Variants in SERAC1 observed in about 807,000 individuals in gnomAD.
SERAC1 encodes serine active site containing 1.
A neutral mutation model predicts 85.7 loss-of-function variants in SERAC1; 36 were observed. That is an observed-to-expected ratio of 0.42 (90% confidence interval 0.32 to 0.55). The LOEUF (loss-of-function observed/expected upper bound fraction) is 0.55, where lower values mean the gene tolerates loss of function less well. Among genes scored for constraint, SERAC1 ranks in the 20% least tolerant of loss-of-function variants. The pLI is 0.11. For missense variants in SERAC1, 629 were observed against 796.2 expected, an observed-to-expected ratio of 0.79 and a Z score of 2.53; for synonymous variants, 242 against 265.3, an observed-to-expected ratio of 0.91 and a Z score of 0.85.
intron 9 of SERAC1, among the ~76,000 whole-genome samples, chr6:158,129,127 T>C (rs1288124500): frequency 5.9e-5 from 9 of 152,200 alleles, no homozygotes; most frequent in Non-Finnish European, 1.3e-4. Context: ...TCTGGAAAGA[T>C]AACTATTATA....
intron 12 of SERAC1, among the ~76,000 whole-genome samples, chr6:158,118,654 A>G (rs1784350327): frequency 6.6e-6 from 1 of 151,918 alleles, no homozygotes. Flanking sequence ...AGAAATGCAA[A>G]GTATAATTAC....
At position 158,128,165 on chromosome 6, in the gene SERAC1, G is replaced by A. The variant is rs576130525; in HGVS notation, c.958C>T (p.Arg320Cys). Residue 320 changes from arginine to cysteine, a missense_variant, in exon 10 of 17, where the codon CGT becomes TGT. Transcript: ENST00000647468. ...TTCAAAGCCATATTTCCAATGACACGCATTATATTTCTCTGTACTTTAGGG... is the reference window on the plus strand; with the variant it reads ...TTCAAAGCCATATTTCCAATGACACACATTATATTTCTCTGTACTTTAGGG... ...DCPKVQRNIM[R>C]VIGNMALNEH... The A allele has an allele frequency of 9.3e-6, 15 of 1,614,006 alleles. No individual in the cohort carries two copies. Among genetic ancestry groups the A allele is most frequent in the South Asian group, 2.2e-5 (2 of 91,076 alleles).
At chr6:158,145,677 C>T (rs1233567986) in intron 6 of SERAC1, among the ~76,000 whole-genome samples, 7 of 151,866 alleles carry the variant, frequency 4.6e-5, no homozygotes, top group Non-Finnish European at 8.8e-5. Flanking sequence ...CGTCACCATG[C>T]CCAGCTAAAT....
Position 158,110,385 on chromosome 6 carries a change from C to T in SERAC1, c.*981G>A, listed in dbSNP as rs1784116912. 1 of 151,780 alleles carries T rather than the reference C, an allele frequency of 6.6e-6. No individual in the cohort carries two copies. The highest frequency in any genetic ancestry group is 1.5e-5 in the Non-Finnish European group (1 of 68,032). 9.4% of individuals were successfully genotyped at this position (151,780 alleles called of 1,614,324 possible). On this transcript the variant is annotated 3_prime_UTR_variant, in exon 17 of 17. Transcript: ENST00000647468. ...TGGGCAACAGAGTCAGACCCTGTCT[C>T]TAAACAAACAAAACAAAACAAAAAT...
At chr6:158,124,939 A>C (rs1784507546) in intron 10 of SERAC1, among the ~76,000 whole-genome samples, 1 of 152,260 alleles carries the variant, frequency 6.6e-6, no homozygotes, top group Non-Finnish European at 1.5e-5. Flanking sequence ...GAAAGTCTTT[A>C]GGCTGAAGAG....
At chr6:158,155,935 A>T (rs999707148) in intron 2 of SERAC1, among the ~76,000 whole-genome samples, 4 of 152,202 alleles carry the variant, frequency 2.6e-5, no homozygotes, top group African/African-American at 9.6e-5. Context: ...ACCTGAGGTC[A>T]GGAGTTCGAG....
At chr6:158,135,904 G>A (rs979562738) in intron 8 of SERAC1, among the ~76,000 whole-genome samples, 9 of 152,052 alleles carry the variant, frequency 5.9e-5, no homozygotes, top group Admixed American at 2.6e-4. Context: ...CTGCCTCCCC[G>A]GTTCACACCA....
At chr6:158,161,364 A>G (rs1213636000) in intron 1 of SERAC1, 1 of 151,568 alleles carries the variant, frequency 6.6e-6, no homozygotes, top group Non-Finnish European at 1.5e-5. Context: ...CCTGGGAGAC[A>G]GAGTAAGACT....
chr6:158,146,333 C>G (rs1205970003), intron 6 of SERAC1: 1 of 149,774 alleles, frequency 6.7e-6, no homozygotes, highest in Non-Finnish European at 1.5e-5. Context: ...TTTTCAAATA[C>G]TTTCTATATA....
chr6:158,151,522 C>T (rs891799808), intron 3 of SERAC1, among the ~76,000 whole-genome samples: 6 of 151,976 alleles, frequency 3.9e-5, no homozygotes, highest in East Asian at 3.9e-4. Context: ...CCTGGGTTCA[C>T]GCCATTCTCT....
intron 1 of SERAC1, among the ~76,000 whole-genome samples, chr6:158,164,569 C>T (rs1583616825): frequency 6.6e-6 from 1 of 152,054 alleles, no homozygotes; most frequent in East Asian, 1.9e-4. Flanking sequence ...CTAAGAAAGA[C>T]ACAGAAAATA....
intron 1 of SERAC1, among the ~76,000 whole-genome samples, chr6:158,160,739 T>C (rs761546712): frequency 6.6e-6 from 1 of 152,230 alleles, no homozygotes; most frequent in Non-Finnish European, 1.5e-5. Flanking sequence ...ACATTTTAAA[T>C]GTGCTATATA....
At chr6:158,141,133 T>TA (rs1784905693) in intron 8 of SERAC1, among the ~76,000 whole-genome samples, 1 of 152,250 alleles carries the variant, frequency 6.6e-6, no homozygotes, top group Admixed American at 6.5e-5. Flanking sequence ...GAAGCACTGA[T>TA]ATGCCACAGT....
intron 9 of SERAC1, among the ~76,000 whole-genome samples, chr6:158,128,991 T>C (rs568472045): frequency 1.1e-4 from 16 of 152,202 alleles, no homozygotes; most frequent in Non-Finnish European, 2.1e-4. Flanking sequence ...CATGACACCA[T>C]ATGTACATAC....
At chr6:158,156,858 A>ATT (rs1491383623) in intron 2 of SERAC1, among the ~76,000 whole-genome samples, 6 of 137,142 alleles carry the variant, frequency 4.4e-5, no homozygotes, top group Middle Eastern at 7.4e-3. Context: ...TATATATAAT[A>ATT]AATATTAATA....
In SERAC1 at chr6:158,119,834, C is replaced by T. The variant is rs1280898183; in HGVS notation, c.1166+591G>A. ...TTTTTGTAAAGTGCCCTAAGAAAAC[C>T]AAGAAATATGTTATTTTTTCAGTGT... On this transcript the variant is annotated intron_variant, in intron 11 of 16. Coordinates refer to ENST00000647468, the MANE Select transcript of SERAC1 (RefSeq NM_032861.4). The surrounding 1 kb of genome is among the most constrained non-coding windows in gnomAD (Gnocchi z 4.5). Among the ~76,000 whole-genome samples the T allele has an allele frequency of 6.6e-6, 1 of 152,038 alleles. No individual in the cohort carries two copies.
rs140215890 is a variant in SERAC1, at chr6:158,139,431, A to G, written c.738+3625T>C. ...AAAATTTCAACTCTTACAATTCAAC[A>G]TATCTAATAAGAGATTTGTATCTAG... On this transcript the variant is annotated intron_variant, in intron 8 of 16. Coordinates refer to ENST00000647468, the MANE Select transcript of SERAC1 (RefSeq NM_032861.4). Among the ~76,000 whole-genome samples, 362 of 152,338 alleles carry G rather than the reference A, an allele frequency of 2.4e-3. 1 individual carries two copies. Among genetic ancestry groups the G allele is most frequent in the African/African-American group, 8.4e-3 (349 of 41,582 alleles).
chr6:158,165,088 T>C (rs750602564), intron 1 of SERAC1, among the ~76,000 whole-genome samples: 6 of 152,142 alleles, frequency 3.9e-5, no homozygotes, highest in Non-Finnish European at 8.8e-5. Context: ...ATTACATACA[T>C]ATTTAAGCCA....
At position 158,144,299 on chromosome 6, in the gene SERAC1, T is replaced by A; in HGVS notation, c.609A>T (p.Glu203Asp). The part of the protein sequence containing the change: ...LLPPPLPSLK[E>D]DSSTEEELRQ... Reference sequence around the variant, plus strand: ...TTACTATTATTATTGTTTTACTTACTTCTTTTAAAGATGGCAAAGGAGGTG... The same window carrying A: ...TTACTATTATTATTGTTTTACTTACATCTTTTAAAGATGGCAAAGGAGGTG... The change falls in exon 7 of 17, where the codon GAA (glutamate) becomes GAT (aspartate). Residue 203 changes from glutamate (E) to aspartate (D), a missense_variant and splice_region_variant. Physicochemically the swap from Glu to Asp is conservative, Grantham distance 45 (BLOSUM62 2). Coordinates refer to ENST00000647468, the MANE Select transcript of SERAC1 (RefSeq NM_032861.4). The A allele has an allele frequency of 6.2e-7, 1 of 1,606,522 alleles. No individual in the cohort carries two copies. The highest frequency in any genetic ancestry group is 1.1e-5 in the South Asian group (1 of 90,100).
Sources: allele counts gnomAD v4.1 joint callset (sites outside exome capture counted in the v4.1 genomes callset), GRCh38; gene constraint gnomAD v4.1.1; non-coding constraint Gnocchi (gnomAD v3.1); transcripts MANE v1.5; gene names NCBI Gene and HGNC (gene_info 2026-07-23, HGNC 2026-07-21).